Variants in TIE1 observed in about 807,000 individuals in gnomAD.
TIE1 encodes tyrosine-protein kinase receptor Tie-1.
Under a neutral mutation model 130.5 loss-of-function variants are expected in TIE1, and 89 were observed. The ratio of observed to expected loss-of-function variants is 0.68; its 90% confidence interval spans 0.57 to 0.81. The LOEUF is 0.81. TIE1 is among the 40% of genes least tolerant of loss of function. The probability of loss-of-function intolerance (pLI) is 0.00; values close to 1 mark genes in which losing one functional copy is unlikely to be tolerated. For missense variants in TIE1, 1,392 were observed against 1,559.8 expected (o/e 0.89, Z 1.81); for synonymous variants, 568 against 629.4 (o/e 0.90, Z 1.46).
chr1:43,310,156 A>C (rs1646773987), intron 9 of TIE1, among the ~76,000 whole-genome samples: 1 of 151,606 alleles, frequency 6.6e-6, no homozygotes, highest in African/African-American at 2.4e-5. Flanking sequence ...CACCCCATGT[A>C]AGCCCCCTCT....
In TIE1 at chr1:43,306,884, C is replaced by A. The variant is rs375448608; in HGVS notation, c.529C>A (p.Arg177=). 6 of 1,613,766 alleles carry A rather than the reference C, an allele frequency of 3.7e-6. No homozygotes were observed. The Admixed American group carries it at 6.7e-5, about 18-fold the overall frequency. The change falls in exon 4 of 23, where the codon CGG becomes AGG. Residue 177 remains arginine (R), a synonymous_variant. Transcript: ENST00000372476. The surrounding 1 kb of genome is among the most constrained non-coding windows in gnomAD (Gnocchi z 4.9). ...GGACTGGCATGAAGCCCAGGATGGG[C>A]GGTTCCTGCTGCAGCTCCCAAATGT... ...TLDWHEAQDG[R]FLLQLPNVQP...
chr1:43,319,657 C>A lies in TIE1; in HGVS notation c.3107+128C>A. The A allele has an allele frequency of 1.0e-6, 1 of 961,152 alleles. No homozygotes were observed. The highest frequency in any genetic ancestry group is 1.6e-6 in the Non-Finnish European group (1 of 607,118). 59.5% of individuals were successfully genotyped at this position (961,152 alleles called of 1,614,324 possible). Reference sequence around the variant, plus strand: ...CCTGGGCTGTGTTCCAGGTGTGACACAGGTGTGTCTTGGGTATAAAGTACC... The same window carrying A: ...CCTGGGCTGTGTTCCAGGTGTGACAAAGGTGTGTCTTGGGTATAAAGTACC... On this transcript the variant is annotated intron_variant, in intron 19 of 22. Coordinates refer to ENST00000372476, the MANE Select transcript of TIE1 (RefSeq NM_005424.5). The surrounding 1 kb of genome is among the most constrained non-coding windows in gnomAD (Gnocchi z 4.7).
chr1:43,307,312 T>A lies in TIE1; in HGVS notation c.772+39T>A. The A allele has an allele frequency of 6.2e-7, 1 of 1,613,682 alleles. No individual in the cohort carries two copies. Among genetic ancestry groups the A allele is most frequent in the Non-Finnish European group, 8.5e-7 (1 of 1,179,878 alleles). On this transcript the variant is annotated intron_variant, in intron 5 of 22. Coordinates refer to ENST00000372476, the MANE Select transcript of TIE1 (RefSeq NM_005424.5). This position sits in a 1 kb window ranked among gnomAD's most constrained non-coding sequence, Gnocchi z 5.4. Reference sequence around the variant, plus strand: ...GAGCTAGGACCCAGGCAGGAGAGGATCCCTGACTGGGAGAAGACCCTAGAA... The same window carrying A: ...GAGCTAGGACCCAGGCAGGAGAGGAACCCTGACTGGGAGAAGACCCTAGAA...
In TIE1 at chr1:43,314,524, C is replaced by T. The variant is rs377467797; in HGVS notation, c.2409+556C>T. The T allele has an allele frequency of 4.0e-6, 4 of 999,722 alleles. No individual in the cohort carries two copies. In the East Asian group the frequency reaches 4.3e-4, roughly 107 times the overall value. The allele number at this position is 999,722 out of a possible 1,614,324, so 61.9% of individuals were successfully genotyped here. On this transcript the variant is annotated intron_variant, in intron 14 of 22. Transcript: ENST00000372476. ...TTCATTCTTGCAAATCCCAGGGCCTCCTTTTGGAGACTTAAGAAAGGGGCT... is the reference window on the plus strand; with the variant it reads ...TTCATTCTTGCAAATCCCAGGGCCTTCTTTTGGAGACTTAAGAAAGGGGCT...
In TIE1 at chr1:43,319,444, C is replaced by T. The variant is rs1170125809; in HGVS notation, c.3037-15C>T. The T allele has an allele frequency of 3.7e-6, 6 of 1,613,976 alleles. No homozygotes were observed. The highest frequency in any genetic ancestry group is 1.3e-5 in the African/African-American group (1 of 74,916). ...CTTCCTCCACACTCAGCCCCTCAAA[C>T]CCATTCTCTCCTAGGGGCGTCTCCC... On this transcript the variant is annotated splice_polypyrimidine_tract_variant and intron_variant, in intron 18 of 22. Coordinates refer to ENST00000372476, the MANE Select transcript of TIE1 (RefSeq NM_005424.5). The surrounding 1 kb of genome is among the most constrained non-coding windows in gnomAD (Gnocchi z 4.7).
chr1:43,319,445 C>G lies in TIE1; in HGVS notation c.3037-14C>G. The G allele has an allele frequency of 3.1e-6, 5 of 1,614,102 alleles. No homozygotes were observed. Among genetic ancestry groups the G allele is most frequent in the Non-Finnish European group, 3.4e-6 (4 of 1,179,978 alleles). On this transcript the variant is annotated splice_polypyrimidine_tract_variant and intron_variant, in intron 18 of 22. Transcript: ENST00000372476. This position sits in a 1 kb window ranked among gnomAD's most constrained non-coding sequence, Gnocchi z 4.7. ...TTCCTCCACACTCAGCCCCTCAAAC[C>G]CATTCTCTCCTAGGGGCGTCTCCCT...
At position 43,307,299 on chromosome 1, in the gene TIE1, A is replaced by C. The variant is rs1437933475; in HGVS notation, c.772+26A>C. The C allele has an allele frequency of 1.2e-6, 2 of 1,613,888 alleles. No individual in the cohort carries two copies. Among genetic ancestry groups the C allele is most frequent in the Admixed American group, 3.3e-5 (2 of 60,018 alleles). On this transcript the variant is annotated intron_variant, in intron 5 of 22. Transcript: ENST00000372476. This position sits in a 1 kb window ranked among gnomAD's most constrained non-coding sequence, Gnocchi z 5.4. ...GTAAGGAGGAGGGGAGCTAGGACCC[A>C]GGCAGGAGAGGATCCCTGACTGGGA...
In TIE1 at chr1:43,301,595, G is replaced by A. The variant is rs537889699; in HGVS notation, c.58+466G>A. 5.2e-3 allele frequency among the ~76,000 whole-genome samples: 788 copies of A among 152,348 alleles called. 2 individuals are homozygous for A. Among genetic ancestry groups the A allele is most frequent in the Non-Finnish European group, 8.8e-3 (597 of 68,042 alleles). On this transcript the variant is annotated intron_variant, in intron 1 of 22. Coordinates refer to ENST00000372476, the MANE Select transcript of TIE1 (RefSeq NM_005424.5). Reference sequence around the variant, plus strand: ...ATGGTTAAGATGGCAAAATTTGCCGGGTGTGGTGGCTCACGCCTGTAATCC... The same window carrying A: ...ATGGTTAAGATGGCAAAATTTGCCGAGTGTGGTGGCTCACGCCTGTAATCC...
chr1:43,315,547 G>T lies in TIE1; in HGVS notation c.2409+1579G>T, dbSNP rs1646850650. Among the ~76,000 whole-genome samples the T allele has an allele frequency of 6.6e-6, 1 of 152,262 alleles. No homozygotes were observed. Among genetic ancestry groups the T allele is most frequent in the East Asian group, 1.9e-4 (1 of 5,176 alleles). On this transcript the variant is annotated intron_variant, in intron 14 of 22. Transcript: ENST00000372476. The surrounding 1 kb of genome is among the most constrained non-coding windows in gnomAD (Gnocchi z 4.4). ...CAGGAGCCTGTAATCCCAGCTACTA[G>T]GGAGGCTGAGGCAGGAGAACTGCTT...
rs183085170 is a variant in TIE1, at chr1:43,311,300, T to G, written c.1334-371T>G. On this transcript the variant is annotated intron_variant, in intron 9 of 22. Transcript: ENST00000372476. ...CTTCAGTGCCAGTGCCATTTTTTTTTTTTAATAAGAGAGTGGTGAATGAGG... is the reference window on the plus strand; with the variant it reads ...CTTCAGTGCCAGTGCCATTTTTTTTGTTTAATAAGAGAGTGGTGAATGAGG... 6.8e-3 allele frequency among the ~76,000 whole-genome samples: 1,039 copies of G among 152,056 alleles called. 11 individuals carry two copies. Among genetic ancestry groups the G allele is most frequent in the African/African-American group, 0.024 (1,007 of 41,466 alleles).
At chr1:43,301,245 C>A (rs1646666798) in intron 1 of TIE1, 116 bp downstream of exon 1, 2 of 1,155,348 alleles carry the variant, frequency 1.7e-6, no homozygotes, top group African/African-American at 1.6e-5. Context: ...CCATGGGCTG[C>A]AGGGAGGAAG....
chr1:43,314,024 A>G (rs1395266284), intron 14 of TIE1, 56 bp downstream of exon 14: 4 of 1,560,240 alleles, frequency 2.6e-6, no homozygotes. Context: ...TTATGTTTCT[A>G]CCTGTGTACA....
Position 43,319,869 on chromosome 1 carries a change from T to C in TIE1, c.3107+340T>C, listed in dbSNP as rs906865366. 2.9e-6 allele frequency: 1 copy of C among 343,846 alleles called. No individual in the cohort carries two copies. The highest frequency in any genetic ancestry group is 2.1e-5 in the African/African-American group (1 of 47,520). The allele number at this position is 343,846 out of a possible 1,614,324, so 21.3% of individuals were successfully genotyped here. The stretch of plus-strand genomic sequence containing the variant: ...CAGGAATTGCTCTCATCTTCCTCCC[T>C]GAAGGGCAAGGTCATGCCCACCTGA... On this transcript the variant is annotated intron_variant, in intron 19 of 22. Transcript: ENST00000372476. The surrounding 1 kb of genome is among the most constrained non-coding windows in gnomAD (Gnocchi z 4.7).
In TIE1 at chr1:43,317,396, C is replaced by T; in HGVS notation, c.2607C>T (p.Ile869=). Reference sequence around the variant, plus strand: ...ACGGGCTGAAGATGAACGCAGCCATCAAAATGCTGAAAGGTCCACTGGGGC... The same window carrying T: ...ACGGGCTGAAGATGAACGCAGCCATTAAAATGCTGAAAGGTCCACTGGGGC... ...KKDGLKMNAA[I]KMLKEYASEN... is the part of the protein sequence containing the mutation. Residue 869 remains isoleucine (I), a synonymous_variant, in exon 15 of 23, where the codon ATC becomes ATT. Transcript: ENST00000372476. The surrounding 1 kb of genome is among the most constrained non-coding windows in gnomAD (Gnocchi z 5.1). 6.2e-7 allele frequency: 1 copy of T among 1,614,112 alleles called. No homozygotes were observed. The highest frequency in any genetic ancestry group is 8.5e-7 in the Non-Finnish European group (1 of 1,180,040).
rs1646873453 is a variant in TIE1 at position 43,317,747 on chromosome 1, A to T, written c.2731+73A>T. 2 of 1,477,942 alleles carry T rather than the reference A, an allele frequency of 1.4e-6. No homozygotes were observed. The highest frequency in any genetic ancestry group is 3.7e-5 in the Admixed American group (2 of 54,286). The allele number at this position is 1,477,942 out of a possible 1,614,324, so 91.6% of individuals were successfully genotyped here. The stretch of plus-strand genomic sequence containing the variant: ...CAGCCATCACCTCCACCACATGAGT[A>T]GCTTGCCAGGGGCTGCTGGTGACCT... On this transcript the variant is annotated intron_variant, in intron 16 of 22. Coordinates refer to ENST00000372476, the MANE Select transcript of TIE1 (RefSeq NM_005424.5). This position sits in a 1 kb window ranked among gnomAD's most constrained non-coding sequence, Gnocchi z 5.1.
At position 43,306,743 on chromosome 1, in the gene TIE1, A is replaced by T; in HGVS notation, c.485-97A>T. 7.0e-7 allele frequency: 1 copy of T among 1,431,278 alleles called. No homozygotes were observed. The highest frequency in any genetic ancestry group is 9.4e-7 in the Non-Finnish European group (1 of 1,061,484). 88.7% of individuals were successfully genotyped at this position (1,431,278 alleles called of 1,614,324 possible). On this transcript the variant is annotated intron_variant, in intron 3 of 22. Transcript: ENST00000372476. This position sits in a 1 kb window ranked among gnomAD's most constrained non-coding sequence, Gnocchi z 4.9. Reference sequence around the variant, plus strand: ...CCGGCCCTAGGTCTCATCACTGTGCATGGGGCTCATTGATGTGAGCTGAGC... The same window carrying T: ...CCGGCCCTAGGTCTCATCACTGTGCTTGGGGCTCATTGATGTGAGCTGAGC...
chr1:43,320,529 G>A (rs1243930873), intron 19 of TIE1: 1 of 152,064 alleles, frequency 6.6e-6, no homozygotes, highest in Non-Finnish European at 1.5e-5. Flanking sequence ...ACCAGCCTGG[G>A]CAAGATGGCA....
Position 43,309,474 on chromosome 1 carries a change from G to A in TIE1, c.1275G>A (p.Glu425=). 4.3e-6 allele frequency: 7 copies of A among 1,610,850 alleles called. No homozygotes were observed. Among genetic ancestry groups the A allele is most frequent in the South Asian group, 1.1e-5 (1 of 90,636 alleles). The change falls in exon 9 of 23, where the codon GAG becomes GAA. Residue 425 remains glutamate (E), a synonymous_variant. Coordinates refer to ENST00000372476, the MANE Select transcript of TIE1 (RefSeq NM_005424.5). This position sits in a 1 kb window ranked among gnomAD's most constrained non-coding sequence, Gnocchi z 6.3. ...TTCTTGCGGACAGTGGGTTCTGGGA[G>A]TGCCGTGTGTCCACATCTGGCGGCC... is the stretch of plus-strand genomic sequence containing the variant. ...RLVLADSGFW[E]CRVSTSGGQD... is the part of the protein sequence containing the mutation.
chr1:43,302,076 A>G (rs1198979), intron 1 of TIE1, among the ~76,000 whole-genome samples: 29,320 of 151,876 alleles, frequency 0.19, 3,455 homozygotes, highest in African/African-American at 0.33. Flanking sequence ...GGATCTGAGG[A>G]TCTGTGGAGG....
Sources: gnomAD v4.1 joint callset for allele counts (sites outside exome capture counted in the v4.1 genomes callset) on GRCh38, gnomAD v4.1.1 for gene constraint, Gnocchi (gnomAD v3.1) non-coding constraint, MANE v1.5 for transcripts, NCBI Gene and HGNC (gene_info 2026-07-23, HGNC 2026-07-21) for gene names.